The following MYO1H variants were observed in gnomAD, a reference collection of about 807,000 sequenced individuals.
The protein encoded by MYO1H is unconventional myosin-Ih.
A neutral mutation model predicts 149.3 loss-of-function variants in MYO1H; 118 were observed. The ratio of observed to expected loss-of-function variants is 0.79; its 90% CI spans 0.68 to 0.92. The LOEUF is 0.92. Ranked by LOEUF, MYO1H falls within the 40% of genes least tolerant of loss-of-function variation. The pLI, the probability that MYO1H is intolerant of heterozygous loss-of-function variation, is 0.00. For missense variants in MYO1H, 1,212 were observed against 1,280.7 expected, an observed-to-expected ratio of 0.95 and a Z score of 0.82; for synonymous variants, 447 against 465.2, an observed-to-expected ratio of 0.96 and a Z score of 0.50.
chr12:109,413,036 G>A (rs1013288795), intron 14 of MYO1H, among the ~76,000 whole-genome samples: 7 of 152,054 alleles, frequency 4.6e-5, no homozygotes, highest in African/African-American at 1.7e-4. Context: ...GAGTGTAGTA[G>A]GGCGATCTCG....
upstream of MYO1H, among the ~76,000 whole-genome samples, chr12:109,342,938 C>G (rs1196447425): frequency 6.6e-6 from 1 of 151,908 alleles, no homozygotes; most frequent in Non-Finnish European, 1.5e-5. Flanking sequence ...CACATAAGGG[C>G]CAGGCACAAT....
At position 109,443,137 on chromosome 12, in the gene MYO1H, T is replaced by TAC. The variant is rs1872272115; in HGVS notation, c.2689-377_2689-376insAC. On this transcript the variant is annotated intron_variant, in intron 27 of 31. Coordinates refer to ENST00000310903, the Ensembl canonical transcript of MYO1H. ...GTGTATATGTGTACGTATATATGTG[T>TAC]GTATATGTGTACGTATGTGTGTGTA... 7.7e-5 allele frequency among the ~76,000 whole-genome samples: 9 copies of TAC among 116,670 alleles called. 2 individuals carry two copies. In the South Asian group the frequency reaches 1.8e-3, roughly 23 times the overall value. The allele number at this position is 116,670 out of a possible 152,430, so 76.5% of individuals were successfully genotyped here.
chr12:109,409,628 T>C lies in MYO1H; in HGVS notation c.1223+4T>C, dbSNP rs1037140623. On this transcript the variant is annotated splice_donor_region_variant and intron_variant, in intron 11 of 31. Transcript: ENST00000310903. ...TTGAAGTCTTTGACAAGAATGGGTA[T>C]GTTTTGTCATTACCTACCTATCTGT... 1.9e-6 allele frequency: 3 copies of C among 1,605,240 alleles called. No homozygotes were observed. Among genetic ancestry groups the C allele is most frequent in the Non-Finnish European group, 2.6e-6 (3 of 1,171,948 alleles).
chr12:109,338,317 G>T, the MYO1H span, among the ~76,000 whole-genome samples: 1 of 152,130 alleles, frequency 6.6e-6, no homozygotes, highest in Admixed American at 6.6e-5. Flanking sequence ...AAAAGCCATA[G>T]GCCCAGTATT....
At chr12:109,408,983 G>A (rs1870516699) in intron 10 of MYO1H, among the ~76,000 whole-genome samples, 1 of 151,916 alleles carries the variant, frequency 6.6e-6, no homozygotes, top group African/African-American at 2.4e-5. Context: ...TAGAAATGGG[G>A]TTTCGCCATG....
chr12:109,339,612 T>C, the MYO1H span, among the ~76,000 whole-genome samples: 1 of 152,178 alleles, frequency 6.6e-6, no homozygotes, highest in Non-Finnish European at 1.5e-5. Context: ...AACGACTAAT[T>C]GCCTTAAGAT....
chr12:109,440,903 T>C, intron 25 of MYO1H, 76 bp downstream of exon 25: 1 of 1,058,706 alleles, frequency 9.4e-7, no homozygotes. Flanking sequence ...GTCCTCCTCA[T>C]CCACCATTTC....
chr12:109,401,324 AGATGTTTCTACGTGCTGCTGTAG>A, intron 6 of MYO1H, 52 bp downstream of exon 6: 2 of 1,537,936 alleles, frequency 1.3e-6, no homozygotes, highest in Admixed American at 3.9e-5. Context: ...AGGGGATCAG[AGATGTTTCTACGTGCTGCTGTAG>A]GATGTTTGAG....
rs571400453 is a variant in MYO1H, at chr12:109,410,838, A to T, written c.1410+70A>T. ...ACAACTCTTGGAAGAACTTTTTCCC[A>T]GGCTTAAAAAGGGTTGAGCCAGGCC... is the stretch of plus-strand genomic sequence containing the variant. On this transcript the variant is annotated intron_variant, in intron 13 of 31. Transcript: ENST00000310903. The T allele has an allele frequency of 1.2e-4, 135 of 1,088,478 alleles. No homozygotes were observed. In the African/African-American group the frequency reaches 1.8e-3, roughly 14 times the overall value. The allele number at this position is 1,088,478 out of a possible 1,614,324, so 67.4% of individuals were successfully genotyped here.
intron 18 of MYO1H, among the ~76,000 whole-genome samples, 166 bp from the exon 19 acceptor site, chr12:109,427,303 T>G: frequency 1.0e-5 from 1 of 97,522 alleles, no homozygotes. Flanking sequence ...GCAAAAAGAA[T>G]GAAACCCCAT....
At chr12:109,398,717 G>A (rs1241455151) in intron 5 of MYO1H, among the ~76,000 whole-genome samples, 3 of 136,240 alleles carry the variant, frequency 2.2e-5, no homozygotes, top group Admixed American at 9.1e-5. Context: ...CTCCAGCCCG[G>A]GCAACAAGAG....
At chr12:109,412,730 A>G (rs1185624478) in intron 14 of MYO1H, among the ~76,000 whole-genome samples, 1 of 152,096 alleles carries the variant, frequency 6.6e-6, no homozygotes, top group African/African-American at 2.4e-5. Flanking sequence ...ATTTAAGAGC[A>G]TATGCTGGAG....
intron 1 of MYO1H, among the ~76,000 whole-genome samples, chr12:109,349,718 T>A (rs1338349299): frequency 1.3e-5 from 2 of 149,918 alleles, no homozygotes; most frequent in East Asian, 3.9e-4. Flanking sequence ...CCCAGCACTT[T>A]GGGAGGCCGA....
intron 31 of MYO1H, chr12:109,446,379 T>C (rs1165367278): frequency 1.0e-6 from 1 of 985,302 alleles, no homozygotes; most frequent in Non-Finnish European, 1.2e-6. Context: ...TCTTGTATTA[T>C]AGGAAGAATT....
chr12:109,404,576 A>G (rs915853233), intron 7 of MYO1H, among the ~76,000 whole-genome samples: 2 of 152,230 alleles, frequency 1.3e-5, no homozygotes, highest in African/African-American at 2.4e-5. Context: ...TCATGTTCCA[A>G]TTATTGCATG....
At chr12:109,422,733 A>G (rs1433268170) in intron 16 of MYO1H, among the ~76,000 whole-genome samples, 1 of 152,144 alleles carries the variant, frequency 6.6e-6, no homozygotes, top group Non-Finnish European at 1.5e-5. Flanking sequence ...ATATCACTGT[A>G]GGTTTAGAAC....
At chr12:109,318,977 T>TGTTTTTG in the MYO1H span, among the ~76,000 whole-genome samples, 43 of 138,232 alleles carry the variant, frequency 3.1e-4, no homozygotes, top group African/African-American at 6.2e-4. Flanking sequence ...GTTTTGTTTT[T>TGTTTTTG]TTTTTTTTTT....
the MYO1H span, among the ~76,000 whole-genome samples, chr12:109,315,370 C>T: frequency 2.0e-5 from 3 of 152,180 alleles, no homozygotes; most frequent in Non-Finnish European, 4.4e-5. Context: ...AATTCCATAT[C>T]TAATCTGGGT....
At chr12:109,371,617 A>G (rs369176047) in intron 1 of MYO1H, among the ~76,000 whole-genome samples, 8 of 152,122 alleles carry the variant, frequency 5.3e-5, no homozygotes, top group Non-Finnish European at 8.8e-5. Context: ...CCTGTTTCCT[A>G]TTGATGGATA....
Sources: gnomAD v4.1 joint callset for allele counts (sites outside exome capture counted in the v4.1 genomes callset) on GRCh38, gnomAD v4.1.1 for gene constraint, MANE v1.5 for transcripts, NCBI Gene and HGNC (gene_info 2026-07-23, HGNC 2026-07-21) for gene names.